The following RORA variants were observed in gnomAD, a reference collection of about 807,000 sequenced individuals.
The protein encoded by RORA is RAR related orphan receptor A.
Under a neutral mutation model 69.5 loss-of-function variants are expected in RORA, and 7 were observed. The observed-to-expected ratio is 0.10, with a 90% CI of 0.06 to 0.19. The LOEUF (loss-of-function observed/expected upper bound fraction) is 0.19, where lower values mean the gene tolerates loss of function less well. RORA is among the 10% of genes least tolerant of loss of function. RORA has a pLI of 1.00. For synonymous variants in RORA, 261 were observed against 240.8 expected, an observed-to-expected ratio of 1.08 and a Z score of -0.78; for missense variants, 457 against 663.0, an observed-to-expected ratio of 0.69 and a Z score of 3.41.
chr15:60,998,797 C>A (rs1348429355), intron 1 of RORA, among the ~76,000 whole-genome samples: 1 of 152,222 alleles, frequency 6.6e-6, no homozygotes, highest in Non-Finnish European at 1.5e-5. Flanking sequence ...AGGGCCCACC[C>A]ACCTACCCCT....
chr15:61,051,013 G>A (rs905473468), intron 1 of RORA, among the ~76,000 whole-genome samples: 3 of 152,208 alleles, frequency 2.0e-5, no homozygotes, highest in Admixed American at 2.0e-4. Flanking sequence ...CAGAAGTAGT[G>A]GAGAGGGTAG....
intron 1 of RORA, among the ~76,000 whole-genome samples, chr15:61,124,505 A>T (rs1055968044): frequency 2.0e-5 from 3 of 152,224 alleles, no homozygotes; most frequent in Non-Finnish European, 2.9e-5. Flanking sequence ...AGCAAGAGGG[A>T]CGCACTGGAA....
In RORA at chr15:60,867,062, C is replaced by T. The variant is rs534926202; in HGVS notation, c.167-188376G>A. On this transcript the variant is annotated intron_variant, in intron 1 of 10. Transcript: ENST00000335670. ...TGTATTTTTAGTAGAGACGGGGTTT[C>T]GCCATGTTTCCCAGGCTGGTCTTGA... Among the ~76,000 whole-genome samples, 3 of 152,200 alleles carry T rather than the reference C, an allele frequency of 2.0e-5. No homozygotes were observed. In the South Asian group the frequency reaches 6.2e-4, roughly 32 times the overall value.
At chr15:61,081,135 G>C (rs995408963) in intron 1 of RORA, among the ~76,000 whole-genome samples, 2 of 152,140 alleles carry the variant, frequency 1.3e-5, no homozygotes, top group Non-Finnish European at 2.9e-5. Context: ...CCTCACATCT[G>C]TTACCTCCTG....
chr15:60,982,896 T>G (rs28706487), intron 1 of RORA, among the ~76,000 whole-genome samples: 32,809 of 152,072 alleles, frequency 0.22, 3,804 homozygotes, highest in African/African-American at 0.28. Flanking sequence ...TATTCCACCA[T>G]TTTCTCTGAC....
intron 2 of RORA, among the ~76,000 whole-genome samples, chr15:60,596,484 C>T (rs1481623267): frequency 6.6e-6 from 1 of 151,992 alleles, no homozygotes; most frequent in Non-Finnish European, 1.5e-5. Context: ...GCCAGGGGAC[C>T]AAGTTTCCTA....
intron 1 of RORA, among the ~76,000 whole-genome samples, chr15:60,753,240 T>C (rs2071752471): frequency 6.6e-6 from 1 of 152,184 alleles, no homozygotes; most frequent in South Asian, 2.1e-4. Flanking sequence ...AACAGTTACT[T>C]CAACTCTCTG....
intron 2 of RORA, among the ~76,000 whole-genome samples, chr15:60,598,230 T>G (rs948158004): frequency 1.3e-5 from 2 of 152,234 alleles, no homozygotes; most frequent in Non-Finnish European, 2.9e-5. Context: ...CATAAAATGT[T>G]AACCCTTAAT....
At chr15:60,872,431 G>C (rs1378240748) in intron 1 of RORA, among the ~76,000 whole-genome samples, 1 of 152,204 alleles carries the variant, frequency 6.6e-6, no homozygotes, top group African/African-American at 2.4e-5. Flanking sequence ...CACTCTGGAA[G>C]TGGGACAGCA....
At chr15:60,704,168 G>A (rs1189821527) in intron 1 of RORA, among the ~76,000 whole-genome samples, 1 of 152,198 alleles carries the variant, frequency 6.6e-6, no homozygotes, top group African/African-American at 2.4e-5. Context: ...ACAAAAATGC[G>A]CCACTCCAAG....
rs538525836 is a variant in RORA, at chr15:60,568,996, T to C, written c.197-37145A>G. Among the ~76,000 whole-genome samples, 23 of 149,366 alleles carry C rather than the reference T, an allele frequency of 1.5e-4. No homozygotes were observed. The East Asian group carries it at 4.3e-3, about 28-fold the overall frequency. On this transcript the variant is annotated intron_variant, in intron 2 of 10. Coordinates refer to ENST00000335670, the MANE Select transcript of RORA (RefSeq NM_134261.3). ...TTATGGCATTTCCTGGAGTTTAAAA[T>C]ACGCTGACAATACAATTTACAAAAG...
intron 3 of RORA, among the ~76,000 whole-genome samples, chr15:60,516,196 T>TAA (rs1246047777): frequency 5.5e-5 from 1 of 18,032 alleles, no homozygotes; most frequent in African/African-American, 3.0e-4. Flanking sequence ...TATATATATA[T>TAA]TTATATATAT....
At chr15:61,180,231 G>C (rs1470134118) in intron 1 of RORA, among the ~76,000 whole-genome samples, 1 of 150,796 alleles carries the variant, frequency 6.6e-6, no homozygotes, top group Non-Finnish European at 1.5e-5. Flanking sequence ...TTAAAGACAA[G>C]TAAAGGGAGG....
In RORA at chr15:60,655,608, A is replaced by G. The variant is rs142953619; in HGVS notation, c.196+23049T>C. 2.5e-3 allele frequency among the ~76,000 whole-genome samples: 383 copies of G among 152,304 alleles called. 3 individuals carry two copies. The highest frequency in any genetic ancestry group is 8.8e-3 in the African/African-American group (364 of 41,560). On this transcript the variant is annotated intron_variant, in intron 2 of 10. Coordinates refer to ENST00000335670, the MANE Select transcript of RORA (RefSeq NM_134261.3). Reference sequence around the variant, plus strand: ...AAATGCTAGAATGAATGTCATTCAGAGCGTGTGACCCCTTTCTCCTAAAGC... The same window carrying G: ...AAATGCTAGAATGAATGTCATTCAGGGCGTGTGACCCCTTTCTCCTAAAGC...
At chr15:61,121,587 A>T (rs810668) in intron 1 of RORA, among the ~76,000 whole-genome samples, 69,959 of 151,880 alleles carry the variant, frequency 0.46, 16,510 homozygotes, top group African/African-American at 0.54. Flanking sequence ...CTGCACCAGG[A>T]TCTCAAATCT....
chr15:60,944,941 G>A (rs1462052367), intron 1 of RORA, among the ~76,000 whole-genome samples: 1 of 152,180 alleles, frequency 6.6e-6, no homozygotes, highest in Non-Finnish European at 1.5e-5. Context: ...GACATATCAA[G>A]GTTTCCATAG....
chr15:60,801,894 G>A (rs181334230), intron 1 of RORA, among the ~76,000 whole-genome samples: 1 of 152,334 alleles, frequency 6.6e-6, no homozygotes, highest in Admixed American at 6.5e-5. Context: ...AGTGTAAGAA[G>A]CTGTTTTCAC....
At chr15:60,980,139 A>G (rs1277733396) in intron 1 of RORA, among the ~76,000 whole-genome samples, 2 of 152,164 alleles carry the variant, frequency 1.3e-5, no homozygotes, top group Non-Finnish European at 2.9e-5. Context: ...AGATGATCAC[A>G]TGGGTTTTCC....
At chr15:60,815,339 G>C (rs1182682798) in intron 1 of RORA, among the ~76,000 whole-genome samples, 1 of 151,962 alleles carries the variant, frequency 6.6e-6, no homozygotes, top group Non-Finnish European at 1.5e-5. Flanking sequence ...TCTCTCCCTG[G>C]CAAAACAAGG....
Sources: allele counts gnomAD v4.1 joint callset (sites outside exome capture counted in the v4.1 genomes callset), GRCh38; gene constraint gnomAD v4.1.1; transcripts MANE v1.5; gene names NCBI Gene and HGNC (gene_info 2026-07-23, HGNC 2026-07-21).